The following ADGRB3 variants were observed in gnomAD, a reference collection of about 807,000 sequenced individuals.
ADGRB3 encodes adhesion G protein-coupled receptor B3.
Under a neutral mutation model 193.4 loss-of-function variants are expected in ADGRB3, and 37 were observed. The observed-to-expected ratio is 0.19, with a 90% CI of 0.15 to 0.25. ADGRB3 has a LOEUF of 0.25. Ranked by LOEUF, ADGRB3 falls within the 10% of genes least tolerant of loss-of-function variation. The pLI, the probability that ADGRB3 is intolerant of heterozygous loss-of-function variation, is 1.00. For synonymous variants in ADGRB3, 690 were observed against 644.2 expected (o/e 1.07, Z -1.08); for missense variants, 1,637 against 1,852.9 (o/e 0.88, Z 2.14).
intron 20 of ADGRB3, among the ~76,000 whole-genome samples, chr6:69,305,909 A>G (rs1452343551): frequency 6.6e-6 from 1 of 151,522 alleles, no homozygotes; most frequent in East Asian, 1.9e-4. Flanking sequence ...CCAAAAACCA[A>G]AACTTGAATT....
At chr6:69,022,822 C>T (rs1020178017) in intron 13 of ADGRB3, among the ~76,000 whole-genome samples, 3 of 151,822 alleles carry the variant, frequency 2.0e-5, no homozygotes, top group Non-Finnish European at 4.4e-5. Context: ...GTTCCAAATA[C>T]AAAATGGAGT....
At chr6:68,747,939 C>A (rs2127345607) in intron 3 of ADGRB3, among the ~76,000 whole-genome samples, 1 of 152,138 alleles carries the variant, frequency 6.6e-6, no homozygotes, top group South Asian at 2.1e-4. Context: ...AGGTGAAAGG[C>A]ACTTCTTACA....
intron 3 of ADGRB3, among the ~76,000 whole-genome samples, chr6:68,812,415 C>CATTAGATA (rs1362539547): frequency 6.6e-6 from 1 of 152,006 alleles, no homozygotes; most frequent in Non-Finnish European, 1.5e-5. Flanking sequence ...TACTTTTTTA[C>CATTAGATA]ATTAGATAAT....
chr6:69,125,522 G>A (rs1054795856), intron 17 of ADGRB3, among the ~76,000 whole-genome samples: 4 of 152,072 alleles, frequency 2.6e-5, no homozygotes, highest in Admixed American at 2.6e-4. Flanking sequence ...AGACAGGGCT[G>A]GAAGGGACTG....
At chr6:69,309,569 A>T (rs958838691) in intron 20 of ADGRB3, among the ~76,000 whole-genome samples, 3 of 151,714 alleles carry the variant, frequency 2.0e-5, no homozygotes, top group Non-Finnish European at 4.4e-5. Context: ...AAGATAGATA[A>T]GTAGGGCTTA....
At chr6:68,949,673 A>G (rs1767864328) in intron 6 of ADGRB3, among the ~76,000 whole-genome samples, 1 of 152,162 alleles carries the variant, frequency 6.6e-6, no homozygotes, top group Non-Finnish European at 1.5e-5. Context: ...ATACTGCCTC[A>G]TTAACCTGTT....
chr6:68,660,264 A>G (rs1336308672), intron 3 of ADGRB3, among the ~76,000 whole-genome samples: 1 of 148,588 alleles, frequency 6.7e-6, no homozygotes, highest in Non-Finnish European at 1.5e-5. Context: ...TAAGTACAGT[A>G]TTAAAATATA....
rs1769437164 is a variant in ADGRB3, at chr6:69,360,930, T to C, written c.3657T>C (p.Ile1219=). ...CAATAACAGGAACACTTTCTAGGAT[T>C]TCTCTAAATGATGATGAAGAAGAAA... The part of the protein sequence containing the change: ...AATITGTLSR[I]SLNDDEEEKG... The change falls in exon 29 of 32, where the codon ATT becomes ATC. Residue 1219 remains isoleucine (I), a synonymous_variant. Transcript: ENST00000370598. The C allele has an allele frequency of 6.2e-6, 10 of 1,612,324 alleles. No homozygotes were observed. The highest frequency in any genetic ancestry group is 1.3e-5 in the African/African-American group (1 of 74,804).
chr6:69,364,812 G>A (rs1316778385), intron 29 of ADGRB3, among the ~76,000 whole-genome samples: 1 of 152,062 alleles, frequency 6.6e-6, no homozygotes, highest in African/African-American at 2.4e-5. Context: ...AAAATGTGAT[G>A]AGTGCATGGT....
chr6:68,686,432 T>A (rs2127300131), intron 3 of ADGRB3, among the ~76,000 whole-genome samples: 1 of 152,302 alleles, frequency 6.6e-6, no homozygotes, highest in Middle Eastern at 3.4e-3. Flanking sequence ...ATTGCTTTGA[T>A]TGTGCTTTGT....
At chr6:68,882,658 G>T (rs1765764455) in intron 3 of ADGRB3, among the ~76,000 whole-genome samples, 1 of 151,982 alleles carries the variant, frequency 6.6e-6, no homozygotes, top group South Asian at 2.1e-4. Flanking sequence ...CCTCCCTTAA[G>T]TCCTGGCATG....
chr6:68,782,665 C>T (rs1766878930), intron 3 of ADGRB3, among the ~76,000 whole-genome samples: 1 of 152,134 alleles, frequency 6.6e-6, no homozygotes, highest in African/African-American at 2.4e-5. Context: ...GATCTCCACT[C>T]TAACTGGTGT....
rs1333727056 is a variant in ADGRB3 at position 69,255,759 on chromosome 6, A to G, written c.2814+16533A>G. On this transcript the variant is annotated intron_variant, in intron 20 of 31. Transcript: ENST00000370598. ...TTGTTGCCATTGCTTTTGGTGTTTTAGACATGAAGTCCTTGCCCATGCCTA... is the reference window on the plus strand; with the variant it reads ...TTGTTGCCATTGCTTTTGGTGTTTTGGACATGAAGTCCTTGCCCATGCCTA... Among the ~76,000 whole-genome samples the G allele has an allele frequency of 3.9e-5, 6 of 152,264 alleles. No individual in the cohort carries two copies. The East Asian group carries it at 9.6e-4, about 24-fold the overall frequency.
intron 24 of ADGRB3, among the ~76,000 whole-genome samples, chr6:69,336,043 C>A (rs142177862): frequency 6.4e-4 from 97 of 151,846 alleles, no homozygotes; most frequent in Middle Eastern, 3.4e-3. Context: ...TACTGAAATT[C>A]TTTTTTCTTT....
intron 3 of ADGRB3, among the ~76,000 whole-genome samples, chr6:68,730,888 G>T (rs1035596761): frequency 2.6e-5 from 4 of 151,634 alleles, no homozygotes; most frequent in Non-Finnish European, 5.9e-5. Context: ...GATTGAGAAA[G>T]TGCGCTGCTC....
At chr6:68,844,808 T>A (rs1376750058) in intron 3 of ADGRB3, among the ~76,000 whole-genome samples, 1 of 152,188 alleles carries the variant, frequency 6.6e-6, no homozygotes, top group African/African-American at 2.4e-5. Flanking sequence ...TGAGACGATG[T>A]CATTTGCAAC....
chr6:69,255,328 T>A (rs946003384), intron 20 of ADGRB3, among the ~76,000 whole-genome samples: 58 of 152,268 alleles, frequency 3.8e-4, no homozygotes, highest in African/African-American at 1.4e-3. Flanking sequence ...CCACCAACAG[T>A]GTAAAAGTGT....
At chr6:68,889,257 C>T (rs1766003656) in intron 3 of ADGRB3, among the ~76,000 whole-genome samples, 1 of 152,064 alleles carries the variant, frequency 6.6e-6, no homozygotes, top group Admixed American at 6.6e-5. Flanking sequence ...TCATTTAATT[C>T]AGCATTTTGT....
In ADGRB3 at chr6:69,019,962, G is replaced by C. The variant is rs374950723; in HGVS notation, c.2107+1463G>C. Among the ~76,000 whole-genome samples the C allele has an allele frequency of 3.9e-5, 6 of 152,100 alleles. No individual in the cohort carries two copies. The East Asian group carries it at 1.2e-3, about 29-fold the overall frequency. On this transcript the variant is annotated intron_variant, in intron 13 of 31. Transcript: ENST00000370598. ...AACGGTATAACATGTCTGTGGAAAAGGTTTAGCAATCACAGCTATGAGTTT... is the reference window on the plus strand; with the variant it reads ...AACGGTATAACATGTCTGTGGAAAACGTTTAGCAATCACAGCTATGAGTTT...
Sources: gnomAD v4.1 joint callset for allele counts (sites outside exome capture counted in the v4.1 genomes callset) on GRCh38, gnomAD v4.1.1 for gene constraint, MANE v1.5 for transcripts, NCBI Gene and HGNC (gene_info 2026-07-23, HGNC 2026-07-21) for gene names.